ADCY5: variants seen among roughly 807,000 people sequenced by gnomAD.
ADCY5 encodes the protein adenylate cyclase type 5.
ADCY5 carries 30 observed loss-of-function variants against 119.7 expected under a neutral mutation model. The observed-to-expected ratio is 0.25, with a 90% CI of 0.19 to 0.34. The LOEUF (loss-of-function observed/expected upper bound fraction) is 0.34. Among genes scored for constraint, ADCY5 ranks in the 10% least tolerant of loss-of-function variants. The pLI is 1.00. For missense variants in ADCY5, 1,324 were observed against 1,775.2 expected (o/e 0.75, Z 4.57); for synonymous variants, 753 against 762.2 (o/e 0.99, Z 0.20).
chr3:123,333,147 T>A (rs1559814676), intron 3 of ADCY5, among the ~76,000 whole-genome samples: 1 of 152,166 alleles, frequency 6.6e-6, no homozygotes, highest in Non-Finnish European at 1.5e-5. Context: ...CACGAATGGA[T>A]TAGTGCCCTT....
chr3:123,355,421 T>C (rs1943005706), intron 1 of ADCY5, among the ~76,000 whole-genome samples: 2 of 152,186 alleles, frequency 1.3e-5, no homozygotes, highest in Non-Finnish European at 2.9e-5. Flanking sequence ...ATGGCAACTG[T>C]ACATATTTTC....
intron 1 of ADCY5, among the ~76,000 whole-genome samples, chr3:123,438,572 G>A (rs996871235): frequency 1.6e-4 from 24 of 152,182 alleles, no homozygotes; most frequent in South Asian, 6.2e-4. Flanking sequence ...GCAGATCCAC[G>A]CTGTACATGA....
At chr3:123,391,310 C>G (rs974132044) in intron 1 of ADCY5, among the ~76,000 whole-genome samples, 2 of 152,222 alleles carry the variant, frequency 1.3e-5, no homozygotes, top group African/African-American at 4.8e-5. Flanking sequence ...GCCAAACCCC[C>G]CCTTTCCAGC....
intron 16 of ADCY5, among the ~76,000 whole-genome samples, chr3:123,296,522 T>C (rs1939523516): frequency 6.6e-6 from 1 of 152,076 alleles, no homozygotes; most frequent in African/African-American, 2.4e-5. Flanking sequence ...AACTTAGCTT[T>C]CTAAAAGGCA....
chr3:123,373,831 T>G (rs1190025940), intron 1 of ADCY5, among the ~76,000 whole-genome samples: 1 of 136,910 alleles, frequency 7.3e-6, no homozygotes, highest in African/African-American at 2.7e-5. Flanking sequence ...GGGCTGGAGC[T>G]TTACTCCCAT....
At chr3:123,370,572 G>A (rs1482432025) in intron 1 of ADCY5, among the ~76,000 whole-genome samples, 1 of 152,220 alleles carries the variant, frequency 6.6e-6, no homozygotes, top group African/African-American at 2.4e-5. Flanking sequence ...TATGAATGAG[G>A]ATAATGTCCT....
At chr3:123,309,696 T>G (rs1940434872) in intron 12 of ADCY5, among the ~76,000 whole-genome samples, 1 of 152,170 alleles carries the variant, frequency 6.6e-6, no homozygotes, top group South Asian at 2.1e-4. Flanking sequence ...CGAAGACCTC[T>G]CCATCTCCTA....
intron 1 of ADCY5, among the ~76,000 whole-genome samples, chr3:123,421,730 C>CCAGG (rs1945307363): frequency 6.6e-6 from 1 of 152,182 alleles, no homozygotes; most frequent in Non-Finnish European, 1.5e-5. Flanking sequence ...CACTGGCCTC[C>CCAGG]CAGGCAGGCA....
chr3:123,359,080 G>T (rs1943145037), intron 1 of ADCY5, among the ~76,000 whole-genome samples: 1 of 151,856 alleles, frequency 6.6e-6, no homozygotes, highest in Admixed American at 6.6e-5. Context: ...GGAGACTAGG[G>T]TTGGGGAAGA....
chr3:123,284,613 T>A lies in ADCY5; in HGVS notation c.3781A>T (p.Ser1261Cys), dbSNP rs773854853. Reference protein sequence around the residue: ...TYFLNGGPPLS With the variant: ...TYFLNGGPPLC ...GCACCATTGGCCAACAGCTGCTAAC[T>A]GAGCGGGGGCCCTCCATTGAGGAAG... Residue 1261 changes from serine to cysteine, a missense_variant, in exon 21 of 21, where the codon AGT (serine) becomes TGT (cysteine). Around this residue, in one of 6 missense-constraint regions of ADCY5, gnomAD observed 178 missense variants for 329.6 expected, o/e 0.54. Transcript: ENST00000462833. The A allele has an allele frequency of 5.0e-6, 8 of 1,614,130 alleles. No homozygotes were observed. The highest frequency in any genetic ancestry group is 3.4e-6 in the Non-Finnish European group (4 of 1,180,036).
intron 1 of ADCY5, among the ~76,000 whole-genome samples, chr3:123,358,280 A>G (rs1435314548): frequency 2.0e-5 from 3 of 151,870 alleles, no homozygotes; most frequent in South Asian, 4.2e-4. Context: ...AATACAGCAG[A>G]CTGCAGCCCT....
chr3:123,416,680 C>T (rs1439823414), intron 1 of ADCY5, among the ~76,000 whole-genome samples: 2 of 152,094 alleles, frequency 1.3e-5, no homozygotes, highest in Non-Finnish European at 2.9e-5. Context: ...CTGTCCAGGG[C>T]TTGTGAGGGG....
chr3:123,328,909 T>G (rs2108391983), intron 5 of ADCY5, 107 bp from the exon 6 acceptor site: 1 of 1,170,918 alleles, frequency 8.5e-7, no homozygotes, highest in Non-Finnish European at 1.2e-6. Flanking sequence ...GGTCAAAGAG[T>G]CTTCTCTCTC....
intron 1 of ADCY5, among the ~76,000 whole-genome samples, chr3:123,390,382 T>G (rs567941730): frequency 4.6e-5 from 7 of 152,272 alleles, no homozygotes; most frequent in African/African-American, 1.7e-4. Flanking sequence ...CCCATTTCCC[T>G]CCTGTGCCCT....
intron 1 of ADCY5, among the ~76,000 whole-genome samples, chr3:123,354,173 C>A (rs764064207): frequency 2.4e-4 from 36 of 152,198 alleles, no homozygotes; most frequent in Non-Finnish European, 3.8e-4. Context: ...TAAGGAAAGA[C>A]CCCTGCTCTT....
At chr3:123,292,787 A>T (rs923576367) in intron 17 of ADCY5, among the ~76,000 whole-genome samples, 2 of 152,082 alleles carry the variant, frequency 1.3e-5, no homozygotes, top group Non-Finnish European at 2.9e-5. Flanking sequence ...GCAGTCAGTT[A>T]TTTGCCTCTG....
In ADCY5 at chr3:123,448,828, T is replaced by C; in HGVS notation, c.-283A>G. 6.2e-6 allele frequency: 2 copies of C among 323,540 alleles called. No individual in the cohort carries two copies. The highest frequency in any genetic ancestry group is 1.1e-5 in the Non-Finnish European group (2 of 178,104). The allele number at this position is 323,540 out of a possible 1,614,324, so 20.0% of individuals were successfully genotyped here. A position where few individuals can be genotyped will look rare whatever the true frequency, so the allele number is the denominator to read the frequency against. On this transcript the variant is annotated 5_prime_UTR_variant, in exon 1 of 21. Coordinates refer to ENST00000462833, the MANE Select transcript of ADCY5 (RefSeq NM_183357.3). ...TCGCAGGGACTGGTCTGGCTGCTGCTGCGCCGCACGCGGAGAGACGTCCGG... is the reference window on the plus strand; with the variant it reads ...TCGCAGGGACTGGTCTGGCTGCTGCCGCGCCGCACGCGGAGAGACGTCCGG...
rs1945864183 is a variant in ADCY5 at position 123,448,196 on chromosome 3, C to G, written c.350G>C (p.Arg117Pro). The G allele has an allele frequency of 3.2e-6, 4 of 1,238,204 alleles. No homozygotes were observed. Among genetic ancestry groups the G allele is most frequent in the Non-Finnish European group, 4.0e-6 (4 of 992,172 alleles). 76.7% of individuals were successfully genotyped at this position (1,238,204 alleles called of 1,614,324 possible). A position where few individuals can be genotyped will look rare whatever the true frequency, so the allele number is the denominator to read the frequency against. ...GGDDCGRGSR[R>P]QRRGAASGGS... is the part of the protein sequence containing the mutation. ...CCCGCTGGCCGCGCCCCGCCGCTGC[C>G]GGCGGCTGCCGCGACCGCAGTCGTC... Residue 117 changes from arginine (R) to proline (P), a missense_variant, in exon 1 of 21, where the codon CGG (arginine) becomes CCG (proline). By Grantham distance (103) the Arg-to-Pro change is moderately radical. Around this residue, in one of 6 missense-constraint regions of ADCY5, gnomAD observed 585 missense variants for 569.9 expected, o/e 1.03. Coordinates refer to ENST00000462833, the MANE Select transcript of ADCY5 (RefSeq NM_183357.3).
At chr3:123,416,733 C>T (rs1305927273) in intron 1 of ADCY5, among the ~76,000 whole-genome samples, 1 of 152,082 alleles carries the variant, frequency 6.6e-6, no homozygotes, top group Non-Finnish European at 1.5e-5. Context: ...CCCTCACTGC[C>T]CCATTACGGA....
Sources: gnomAD v4.1 joint callset for allele counts (sites outside exome capture counted in the v4.1 genomes callset) on GRCh38, gnomAD v4.1.1 for gene constraint, gnomAD v4.1.1 regional missense constraint, MANE v1.5 for transcripts, NCBI Gene and HGNC (gene_info 2026-07-23, HGNC 2026-07-21) for gene names.